The following MEGF11 variants were observed in gnomAD, a reference collection of about 807,000 sequenced individuals.
MEGF11 encodes multiple EGF like domains 11.
A neutral mutation model predicts 146.6 loss-of-function variants in MEGF11; 126 were observed. The ratio of observed to expected loss-of-function variants is 0.86; its 90% CI spans 0.74 to 1.00. The LOEUF is 1.00. MEGF11 is among the 50% of genes least tolerant of loss of function. The probability of loss-of-function intolerance (pLI) is 0.00; values close to 1 mark genes in which losing one functional copy is unlikely to be tolerated. For synonymous variants in MEGF11, 532 were observed against 583.4 expected, an observed-to-expected ratio of 0.91 and a Z score of 1.27; for missense variants, 1,509 against 1,521.2, an observed-to-expected ratio of 0.99 and a Z score of 0.13.
At chr15:66,243,781 C>A (rs1403250610) in intron 1 of MEGF11, among the ~76,000 whole-genome samples, 1 of 152,034 alleles carries the variant, frequency 6.6e-6, no homozygotes, top group Non-Finnish European at 1.5e-5. Flanking sequence ...GTTCCAAGGA[C>A]AGGAGTGGGT....
At chr15:66,059,078 G>A (rs1423118713) in intron 5 of MEGF11, among the ~76,000 whole-genome samples, 2 of 152,090 alleles carry the variant, frequency 1.3e-5, no homozygotes, top group Non-Finnish European at 2.9e-5. Flanking sequence ...TTGAATATTT[G>A]GAACATCCCC....
intron 19 of MEGF11, 84 bp from the exon 20 acceptor site, chr15:65,914,057 C>T: frequency 9.8e-7 from 1 of 1,021,654 alleles, no homozygotes; most frequent in South Asian, 1.4e-5. Context: ...TGCGTGTAAC[C>T]CCTCTAATGT....
chr15:66,020,915 C>A (rs181750253), intron 5 of MEGF11, among the ~76,000 whole-genome samples: 1 of 144,968 alleles, frequency 6.9e-6, no homozygotes, highest in African/African-American at 2.6e-5. Context: ...TGGCGTGAAC[C>A]CAGGAGGCGG....
rs769564055 is a variant in MEGF11 at position 66,119,082 on chromosome 15, A to G, written c.301+4T>C. ...AGGGCAGAACAGCAGCAGCCCCTACATACGTATGCAGAAGTCTCCGCTCTC... is the reference window on the plus strand; with the variant it reads ...AGGGCAGAACAGCAGCAGCCCCTACGTACGTATGCAGAAGTCTCCGCTCTC... On this transcript the variant is annotated splice_donor_region_variant and intron_variant, in intron 4 of 25. Transcript: ENST00000395614. 1.3e-5 allele frequency: 20 copies of G among 1,546,024 alleles called. No homozygotes were observed. Among genetic ancestry groups the G allele is most frequent in the Non-Finnish European group, 1.7e-5 (19 of 1,143,022 alleles).
intron 5 of MEGF11, among the ~76,000 whole-genome samples, chr15:66,010,249 G>C (rs1030362669): frequency 6.7e-6 from 1 of 148,256 alleles, no homozygotes; most frequent in Admixed American, 6.8e-5. Context: ...CTGGAATGCA[G>C]TAGCATGATC....
At chr15:66,034,699 C>T (rs1420803710) in intron 5 of MEGF11, among the ~76,000 whole-genome samples, 1 of 152,190 alleles carries the variant, frequency 6.6e-6, no homozygotes, top group African/African-American at 2.4e-5. Flanking sequence ...GGAATACAGG[C>T]GTGAGCCACT....
intron 5 of MEGF11, among the ~76,000 whole-genome samples, chr15:66,010,886 C>A (rs2082689727): frequency 6.8e-6 from 1 of 147,562 alleles, no homozygotes; most frequent in Non-Finnish European, 1.5e-5. Flanking sequence ...CAAGCATGGT[C>A]AGAAAGTCCA....
At chr15:66,201,920 C>A (rs12914159) in intron 1 of MEGF11, among the ~76,000 whole-genome samples, 21 of 123,932 alleles carry the variant, frequency 1.7e-4, no homozygotes, top group Non-Finnish European at 3.0e-4. Flanking sequence ...GCACTCCAGT[C>A]TGGGCGACAG....
chr15:66,197,870 G>A lies in MEGF11; in HGVS notation c.-9+55735C>T, dbSNP rs183601468. 4.4e-3 allele frequency among the ~76,000 whole-genome samples: 664 copies of A among 152,208 alleles called. 24 individuals are homozygous for A. Among genetic ancestry groups the A allele is most frequent in the Admixed American group, 0.041 (627 of 15,284 alleles). ...AACGAATTCTCCTGAGCCACCCCCC[G>A]CCTTAACAAGGCCTCCAGGTTTCAA... On this transcript the variant is annotated intron_variant, in intron 1 of 25. Transcript: ENST00000395614.
intron 5 of MEGF11, among the ~76,000 whole-genome samples, chr15:66,063,428 A>G (rs2084988182): frequency 1.3e-5 from 2 of 152,298 alleles, no homozygotes; most frequent in East Asian, 3.9e-4. Context: ...CTCCCAACTA[A>G]TCAGCCCTAG....
chr15:66,057,099 A>G (rs994676756), intron 5 of MEGF11, among the ~76,000 whole-genome samples: 2 of 152,208 alleles, frequency 1.3e-5, no homozygotes, highest in African/African-American at 4.8e-5. Context: ...CCCAGCCTTC[A>G]TGGGAGAGAA....
chr15:66,034,465 G>C (rs2083650202), intron 5 of MEGF11, among the ~76,000 whole-genome samples: 1 of 151,722 alleles, frequency 6.6e-6, no homozygotes, highest in Non-Finnish European at 1.5e-5. Flanking sequence ...TGTCACCCAG[G>C]CTGGAGTACA....
At chr15:66,019,541 C>A (rs996077679) in intron 5 of MEGF11, among the ~76,000 whole-genome samples, 1 of 152,232 alleles carries the variant, frequency 6.6e-6, no homozygotes, top group Non-Finnish European at 1.5e-5. Context: ...GCCTCTCCTC[C>A]AGGAACCCAG....
chr15:65,984,765 T>C (rs2081794348), intron 5 of MEGF11, among the ~76,000 whole-genome samples: 1 of 151,654 alleles, frequency 6.6e-6, no homozygotes, highest in African/African-American at 2.4e-5. Context: ...TTTACTTATT[T>C]ATTTATTTAT....
At chr15:66,170,183 C>T (rs546956677) in intron 1 of MEGF11, among the ~76,000 whole-genome samples, 9 of 152,234 alleles carry the variant, frequency 5.9e-5, no homozygotes, top group East Asian at 3.9e-4. Flanking sequence ...AACCTGGGTG[C>T]GTGTTAGGAG....
chr15:65,998,886 G>A (rs1460180804), intron 5 of MEGF11, among the ~76,000 whole-genome samples: 2 of 152,162 alleles, frequency 1.3e-5, no homozygotes, highest in African/African-American at 4.8e-5. Context: ...ATTTTCTGCT[G>A]CTGGAACATC....
intron 5 of MEGF11, among the ~76,000 whole-genome samples, chr15:66,060,639 C>T (rs529076970): frequency 6.6e-6 from 1 of 152,188 alleles, no homozygotes; most frequent in Non-Finnish European, 1.5e-5. Flanking sequence ...GGCACTTGGC[C>T]CCCCCGCCAT....
intron 1 of MEGF11, among the ~76,000 whole-genome samples, chr15:66,185,001 C>T (rs1394273779): frequency 6.6e-6 from 1 of 152,164 alleles, no homozygotes; most frequent in Non-Finnish European, 1.5e-5. Flanking sequence ...ACAAGTGTTT[C>T]ATTCCTGCTT....
At chr15:65,970,784 A>C in intron 7 of MEGF11, 95 bp from the exon 8 acceptor site, 2 of 1,403,876 alleles carry the variant, frequency 1.4e-6, no homozygotes, top group Non-Finnish European at 9.6e-7. Flanking sequence ...GGGACCACCC[A>C]ACTTCCCAGA....
Sources: allele counts gnomAD v4.1 joint callset (sites outside exome capture counted in the v4.1 genomes callset), GRCh38; gene constraint gnomAD v4.1.1; transcripts MANE v1.5; gene names NCBI Gene and HGNC (gene_info 2026-07-23, HGNC 2026-07-21).